COTL1: variants seen among roughly 807,000 people sequenced by gnomAD.
COTL1 encodes coactosin-like protein.
COTL1 carries 15 observed loss-of-function variants against 16.5 expected under a neutral mutation model. The ratio of observed to expected loss-of-function variants is 0.91; its 90% confidence interval spans 0.61 to 1.40. COTL1 has a LOEUF of 1.40. Among genes scored for constraint, COTL1 ranks in the 40% most tolerant of loss-of-function variants. The probability of loss-of-function intolerance (pLI) is 0.00; values close to 1 mark genes in which losing one functional copy is unlikely to be tolerated. For missense variants in COTL1, 220 were observed against 201.5 expected (o/e 1.09, Z -0.56); for synonymous variants, 112 against 85.3 (o/e 1.31, Z -1.73).
At position 84,617,374 on chromosome 16, in the gene COTL1, C is replaced by A. The variant is rs1013258208; in HGVS notation, c.160+127G>T. The A allele has an allele frequency of 3.7e-6, 3 of 814,280 alleles. No individual in the cohort carries two copies. In the African/African-American group the frequency reaches 5.1e-5, roughly 14 times the overall value. 50.4% of individuals were successfully genotyped at this position (814,280 alleles called of 1,614,324 possible). A position where few individuals can be genotyped will look rare whatever the true frequency, so the allele number is the denominator to read the frequency against. On this transcript the variant is annotated intron_variant, in intron 2 of 3. Coordinates refer to ENST00000262428, the MANE Select transcript of COTL1 (RefSeq NM_021149.5). ...TTAAAACGCTCACACCGGGTTCCTC[C>A]CACGCCATGCGCCAGGGGCACCCCA...
At chr16:84,605,126 C>A (rs1905186360) in intron 2 of COTL1, among the ~76,000 whole-genome samples, 1 of 150,020 alleles carries the variant, frequency 6.7e-6, no homozygotes, top group African/African-American at 2.5e-5. Flanking sequence ...TAAACACTTC[C>A]CACGGCCCCC....
intron 3 of COTL1, among the ~76,000 whole-genome samples, chr16:84,571,951 G>A (rs1010344497): frequency 2.6e-5 from 4 of 152,216 alleles, no homozygotes; most frequent in African/African-American, 9.6e-5. Context: ...GCCCCCAGAG[G>A]CTTACAAAGG....
intron 2 of COTL1, among the ~76,000 whole-genome samples, chr16:84,601,990 A>T (rs1396931325): frequency 6.6e-6 from 1 of 152,192 alleles, no homozygotes; most frequent in Non-Finnish European, 1.5e-5. Flanking sequence ...CTAAGAGCTT[A>T]AAGGCTCAGA....
chr16:84,592,481 G>C (rs1052263285), intron 2 of COTL1, among the ~76,000 whole-genome samples: 3 of 151,880 alleles, frequency 2.0e-5, no homozygotes, highest in Non-Finnish European at 4.4e-5. Context: ...ACATTGTGTG[G>C]ATTTGAATCA....
At position 84,566,314 on chromosome 16, in the gene COTL1, C is replaced by G. The variant is rs559064375; in HGVS notation, c.*531G>C. 3 of 152,810 alleles carry G rather than the reference C, an allele frequency of 2.0e-5. No homozygotes were observed. The South Asian group carries it at 6.2e-4, about 31-fold the overall frequency. The allele number at this position is 152,810 out of a possible 1,614,324, so 9.5% of individuals were successfully genotyped here. A position where few individuals can be genotyped will look rare whatever the true frequency, so the allele number is the denominator to read the frequency against. On this transcript the variant is annotated 3_prime_UTR_variant, in exon 4 of 4. Transcript: ENST00000262428. ...GAGCCCGGGGCAGATACCAGGAGGT[C>G]TGGGCCTTAGTAGGGAATGGACGTG...
chr16:84,604,666 A>C (rs1462924338), intron 2 of COTL1, among the ~76,000 whole-genome samples: 1 of 152,130 alleles, frequency 6.6e-6, no homozygotes, highest in East Asian at 1.9e-4. Context: ...AGAGAGCTGC[A>C]GGGTGGACAC....
chr16:84,572,648 G>C (rs764716864), intron 3 of COTL1, among the ~76,000 whole-genome samples: 62 of 152,274 alleles, frequency 4.1e-4, no homozygotes, highest in South Asian at 2.7e-3. Context: ...TTTCTGTAGA[G>C]ACGTGGTTTC....
At chr16:84,586,541 T>G (rs1219983664) in intron 3 of COTL1, among the ~76,000 whole-genome samples, 1 of 152,226 alleles carries the variant, frequency 6.6e-6, no homozygotes, top group East Asian at 1.9e-4. Flanking sequence ...CTGTTTAATG[T>G]AGCTGAATTG....
chr16:84,602,388 C>CA, intron 2 of COTL1, among the ~76,000 whole-genome samples: 2 of 144,530 alleles, frequency 1.4e-5, no homozygotes, highest in Admixed American at 7.0e-5. Context: ...GACTCTGTCT[C>CA]AAAAAACTTT....
intron 2 of COTL1, among the ~76,000 whole-genome samples, chr16:84,598,827 G>C (rs1905058280): frequency 6.7e-6 from 1 of 149,966 alleles, no homozygotes; most frequent in Non-Finnish European, 1.5e-5. Flanking sequence ...GCAGGGGTGG[G>C]GGGGAGCAAG....
At chr16:84,597,694 A>G (rs934166) in intron 2 of COTL1, among the ~76,000 whole-genome samples, 81,029 of 152,006 alleles carry the variant, frequency 0.53, 21,866 homozygotes, top group South Asian at 0.7. Context: ...GGTCTCAAGG[A>G]CAGAAAAGCT....
chr16:84,572,304 C>T (rs1904351492), intron 3 of COTL1, among the ~76,000 whole-genome samples: 1 of 152,150 alleles, frequency 6.6e-6, no homozygotes. Flanking sequence ...AAAGCGTGGC[C>T]ACCCCTACAC....
intron 2 of COTL1, among the ~76,000 whole-genome samples, chr16:84,612,792 C>A (rs1405499850): frequency 6.6e-6 from 1 of 152,102 alleles, no homozygotes; most frequent in Non-Finnish European, 1.5e-5. Context: ...GGGTAGCCAA[C>A]ACACACCGTG....
chr16:84,599,767 G>GA (rs34267853), intron 2 of COTL1, among the ~76,000 whole-genome samples: 1 of 152,106 alleles, frequency 6.6e-6, no homozygotes, highest in Non-Finnish European at 1.5e-5. Flanking sequence ...CTCAGGAAGG[G>GA]AAAAAACAAC....
chr16:84,577,234 G>GTTGGTTTTGGTT (rs146020104), intron 3 of COTL1: 3 of 151,670 alleles, frequency 2.0e-5, no homozygotes, highest in African/African-American at 7.3e-5. Flanking sequence ...TTTTTTGTTT[G>GTTGGTTTTGGTT]TTGGTTTTGG....
chr16:84,598,169 T>A (rs1905044171), intron 2 of COTL1, among the ~76,000 whole-genome samples: 1 of 152,084 alleles, frequency 6.6e-6, no homozygotes, highest in South Asian at 2.1e-4. Flanking sequence ...ATGGATGCCC[T>A]CCCCTTCCCA....
chr16:84,594,245 AC>A (rs1904942508), intron 2 of COTL1: 2 of 152,394 alleles, frequency 1.3e-5, no homozygotes, highest in African/African-American at 4.8e-5. Flanking sequence ...GACCATGATG[AC>A]TGAAAGTGAA....
Position 84,590,290 on chromosome 16 carries a change from GGTGCT to G in COTL1, c.161-33_161-29del. ...GTGGCCAAAAGCGAAAAGAGAACAT[GGTGCT>G]GCGTTAAAACACCCCCATGTCATGT... On this transcript the variant is annotated intron_variant, in intron 2 of 3. Coordinates refer to ENST00000262428, the MANE Select transcript of COTL1 (RefSeq NM_021149.5). This position sits in a 1 kb window ranked among gnomAD's most constrained non-coding sequence, Gnocchi z 5.5. 1 of 1,608,926 alleles carries G rather than the reference GGTGCT, an allele frequency of 6.2e-7. No homozygotes were observed. The highest frequency in any genetic ancestry group is 8.5e-7 in the Non-Finnish European group (1 of 1,176,012).
At chr16:84,574,072 G>A (rs1481186461) in intron 3 of COTL1, among the ~76,000 whole-genome samples, 2 of 152,156 alleles carry the variant, frequency 1.3e-5, no homozygotes, top group African/African-American at 4.8e-5. Context: ...GGAGGCTGAG[G>A]CAGGAAGATC....
Sources: allele counts gnomAD v4.1 joint callset (sites outside exome capture counted in the v4.1 genomes callset), GRCh38; gene constraint gnomAD v4.1.1; non-coding constraint Gnocchi (gnomAD v3.1); transcripts MANE v1.5; gene names NCBI Gene and HGNC (gene_info 2026-07-23, HGNC 2026-07-21).